The following STXBP4 variants were observed in gnomAD, a reference collection of about 807,000 sequenced individuals.
STXBP4 encodes the protein syntaxin-binding protein 4.
Under a neutral mutation model 76.1 loss-of-function variants are expected in STXBP4, and 55 were observed. The ratio of observed to expected loss-of-function variants is 0.72; its 90% CI spans 0.58 to 0.91. STXBP4 has a LOEUF of 0.91. Among genes scored for constraint, STXBP4 ranks in the 40% least tolerant of loss-of-function variants. The pLI is 0.00. For synonymous variants in STXBP4, 201 were observed against 220.2 expected, an observed-to-expected ratio of 0.91 and a Z score of 0.77; for missense variants, 618 against 636.9, an observed-to-expected ratio of 0.97 and a Z score of 0.32.
chr17:55,047,191 TG>T, intron 12 of STXBP4, 37 bp downstream of exon 12: 1 of 583,164 alleles, frequency 1.7e-6, no homozygotes. Context: ...TGCTCGTGTG[TG>T]TGTGTGTGTG....
intron 12 of STXBP4, among the ~76,000 whole-genome samples, chr17:55,048,409 C>T (rs906791940): frequency 6.6e-6 from 1 of 151,784 alleles, no homozygotes; most frequent in Non-Finnish European, 1.5e-5. Flanking sequence ...AATTCTATCT[C>T]CATCATTATA....
intron 8 of STXBP4, among the ~76,000 whole-genome samples, chr17:55,012,141 G>A (rs925180995): frequency 6.6e-6 from 1 of 152,310 alleles, no homozygotes; most frequent in African/African-American, 2.4e-5. Context: ...GGATTGAAAT[G>A]TATAGCCTGC....
intron 12 of STXBP4, among the ~76,000 whole-genome samples, chr17:55,066,379 A>G (rs1234190398): frequency 6.6e-6 from 1 of 152,034 alleles, no homozygotes; most frequent in Non-Finnish European, 1.5e-5. Context: ...TCCTGCCACC[A>G]TACCCATCTG....
intron 17 of STXBP4, among the ~76,000 whole-genome samples, chr17:55,142,681 T>G (rs2080107710): frequency 6.6e-6 from 1 of 152,162 alleles, no homozygotes. Context: ...ACATTGAGAA[T>G]TCAAAAGCTT....
chr17:55,123,681 A>G (rs1360577593), intron 16 of STXBP4, among the ~76,000 whole-genome samples: 1 of 152,070 alleles, frequency 6.6e-6, no homozygotes, highest in Non-Finnish European at 1.5e-5. Flanking sequence ...CGGGCAGATC[A>G]TAAGGTCAGG....
intron 11 of STXBP4, among the ~76,000 whole-genome samples, chr17:55,046,597 T>A (rs1005453822): frequency 6.6e-6 from 1 of 151,978 alleles, no homozygotes. Flanking sequence ...TCTTAATAAC[T>A]ATTATTTTAT....
chr17:55,021,378 G>A (rs2078306296), intron 8 of STXBP4, among the ~76,000 whole-genome samples: 1 of 152,082 alleles, frequency 6.6e-6, no homozygotes, highest in Non-Finnish European at 1.5e-5. Flanking sequence ...TTAAAAATTA[G>A]CCAGTTGTGG....
intron 16 of STXBP4, among the ~76,000 whole-genome samples, chr17:55,083,094 A>T (rs1221022854): frequency 1.3e-5 from 2 of 151,556 alleles, no homozygotes; most frequent in South Asian, 4.2e-4. Flanking sequence ...CAGGTGTCTC[A>T]GCCTCTCAGG....
intron 12 of STXBP4, among the ~76,000 whole-genome samples, chr17:55,066,504 G>A (rs1018164342): frequency 3.3e-5 from 5 of 152,052 alleles, no homozygotes; most frequent in African/African-American, 1.2e-4. Flanking sequence ...GATTACAGAT[G>A]TAAGCCACTG....
At chr17:55,034,061 A>G in intron 9 of STXBP4, 107 bp from the exon 10 acceptor site, 1 of 716,572 alleles carries the variant, frequency 1.4e-6, no homozygotes, top group East Asian at 2.6e-5. Flanking sequence ...CTATTTTAAG[A>G]TAATTTATGT....
chr17:54,992,705 CTTTTTTTTTTTTT>C (rs760386476), intron 4 of STXBP4, among the ~76,000 whole-genome samples: 1 of 96,836 alleles, frequency 1.0e-5, no homozygotes, highest in Non-Finnish European at 2.0e-5. Context: ...AATTTGCTTC[CTTTTTTTTTTTTT>C]TTTTTTTTTT....
rs537009074 is a variant in STXBP4 at position 55,018,233 on chromosome 17, C to T, written c.666+10636C>T. Among the ~76,000 whole-genome samples, 11 of 152,276 alleles carry T rather than the reference C, an allele frequency of 7.2e-5. 1 individual carries two copies. Among genetic ancestry groups the T allele is most frequent in the South Asian group, 6.2e-4 (3 of 4,822 alleles). On this transcript the variant is annotated intron_variant, in intron 8 of 17. Transcript: ENST00000376352. Reference sequence around the variant, plus strand: ...ATTAGGACGCACCCGGGCGCTTAGCCGTGCAGGAACAATGGCAAGCCTTTA... The same window carrying T: ...ATTAGGACGCACCCGGGCGCTTAGCTGTGCAGGAACAATGGCAAGCCTTTA...
chr17:55,031,094 G>A, intron 8 of STXBP4, 74 bp from the exon 9 acceptor site: 2 of 1,145,386 alleles, frequency 1.7e-6, no homozygotes, highest in Non-Finnish European at 2.6e-6. Context: ...TCCCTGGGTT[G>A]TAAAGTTTGT....
chr17:55,157,088 G>A (rs1426513997), intron 17 of STXBP4, among the ~76,000 whole-genome samples: 1 of 152,120 alleles, frequency 6.6e-6, no homozygotes, highest in South Asian at 2.1e-4. Context: ...TTACCCTCAG[G>A]TAATTGCTCC....
chr17:55,141,481 G>C (rs1442876274), intron 17 of STXBP4, 114 bp downstream of exon 17: 1 of 802,034 alleles, frequency 1.2e-6, no homozygotes, highest in Non-Finnish European at 1.9e-6. Context: ...ACAAAAATTA[G>C]TAACAAGAAA....
chr17:55,135,414 A>G (rs1182446552), intron 16 of STXBP4, among the ~76,000 whole-genome samples: 1 of 152,124 alleles, frequency 6.6e-6, no homozygotes, highest in Non-Finnish European at 1.5e-5. Context: ...TGGTAAAACA[A>G]TCAAGTCACA....
chr17:55,104,095 A>G (rs1312738796), intron 16 of STXBP4, among the ~76,000 whole-genome samples: 1 of 152,010 alleles, frequency 6.6e-6, no homozygotes, highest in African/African-American at 2.4e-5. Context: ...GACTTCCTCT[A>G]TTCCTATTCG....
At position 55,022,394 on chromosome 17, in the gene STXBP4, C is replaced by T. The variant is rs550452815; in HGVS notation, c.667-8774C>T. ...AGGTTGTAAGTGAATCCAATTCAGC[C>T]ATCTTAGATTACCAAAGATTACAAA... On this transcript the variant is annotated intron_variant, in intron 8 of 17. Transcript: ENST00000376352. 2.0e-5 allele frequency among the ~76,000 whole-genome samples: 3 copies of T among 151,990 alleles called. No homozygotes were observed. The East Asian group carries it at 5.8e-4, about 29-fold the overall frequency.
At position 55,160,184 on chromosome 17, in the gene STXBP4, T is replaced by G. The variant is rs2080325169; in HGVS notation, c.*273T>G. 5.0e-6 allele frequency: 1 copy of G among 199,018 alleles called. No homozygotes were observed. Among genetic ancestry groups the G allele is most frequent in the African/African-American group, 2.3e-5 (1 of 43,274 alleles). The allele number at this position is 199,018 out of a possible 1,614,324, so 12.3% of individuals were successfully genotyped here. A position where few individuals can be genotyped will look rare whatever the true frequency, so the allele number is the denominator to read the frequency against. Reference sequence around the variant, plus strand: ...TAGACTTTATAATATATATACTTTTTCATATATAATTAGATCTTTCTTTGT... The same window carrying G: ...TAGACTTTATAATATATATACTTTTGCATATATAATTAGATCTTTCTTTGT... On this transcript the variant is annotated 3_prime_UTR_variant, in exon 18 of 18. Coordinates refer to ENST00000376352, the MANE Select transcript of STXBP4 (RefSeq NM_178509.6).
Sources: allele counts gnomAD v4.1 joint callset (sites outside exome capture counted in the v4.1 genomes callset), GRCh38; gene constraint gnomAD v4.1.1; transcripts MANE v1.5; gene names NCBI Gene and HGNC (gene_info 2026-07-23, HGNC 2026-07-21).